SH3TC1: variants seen among roughly 807,000 people sequenced by gnomAD.
SH3TC1 encodes the protein SH3 domain and tetratricopeptide repeats 1.
Under a neutral mutation model 117.3 loss-of-function variants are expected in SH3TC1, and 135 were observed. That is an observed-to-expected ratio of 1.15 (90% CI 1.00 to 1.33). The LOEUF is 1.33. Among genes scored for constraint, SH3TC1 ranks in the 40% most tolerant of loss-of-function variants. The probability of loss-of-function intolerance (pLI) is 0.00; values close to 1 mark genes in which losing one functional copy is unlikely to be tolerated. For synonymous variants in SH3TC1, 898 were observed against 816.9 expected (o/e 1.10, Z -1.69); for missense variants, 2,092 against 1,794.3 (o/e 1.17, Z -3.00).
At chr4:8,240,448 T>A (rs764458528) in intron 17 of SH3TC1, among the ~76,000 whole-genome samples, 1 of 152,046 alleles carries the variant, frequency 6.6e-6, no homozygotes, top group Non-Finnish European at 1.5e-5. Flanking sequence ...AGCCACTGCC[T>A]GCAGAGAGGG....
Position 8,209,863 on chromosome 4 carries a change from C to T in SH3TC1, c.247+41C>T, listed in dbSNP as rs200813305. 227 of 1,589,428 alleles carry T rather than the reference C, an allele frequency of 1.4e-4. 1 individual carries two copies. The East Asian group carries it at 4.5e-3, about 32-fold the overall frequency. On this transcript the variant is annotated intron_variant, in intron 3 of 17. Transcript: ENST00000245105. This position sits in a 1 kb window ranked among gnomAD's most constrained non-coding sequence, Gnocchi z 5.9. Reference sequence around the variant, plus strand: ...CCTACACAGGGCTTCAGGTTCAAATCCGGGCTGTGCCGCTCCCTGGGCATC... The same window carrying T: ...CCTACACAGGGCTTCAGGTTCAAATTCGGGCTGTGCCGCTCCCTGGGCATC...
chr4:8,222,650 A>T (rs1720044331), intron 9 of SH3TC1, among the ~76,000 whole-genome samples, 190 bp from the exon 10 acceptor site: 1 of 147,498 alleles, frequency 6.8e-6, no homozygotes, highest in Non-Finnish European at 1.5e-5. Context: ...CTGAGATTAC[A>T]GGTGTGAGCC....
rs7692549 is a variant in SH3TC1 at position 8,192,932 on chromosome 4, G to A, written c.-57+10722G>A. Among the ~76,000 whole-genome samples, 1,574 of 152,336 alleles carry A rather than the reference G, an allele frequency of 0.01. 18 individuals are homozygous for A. The highest frequency in any genetic ancestry group is 0.036 in the African/African-American group (1,496 of 41,574). On this transcript the variant is annotated intron_variant, in intron 1 of 16. Transcript: ENST00000508641. This position sits in a 1 kb window ranked among gnomAD's most constrained non-coding sequence, Gnocchi z 4.1. ...GCAGTGAAGCGGGGCCTGACGTGATGTACCATGTTTCAAGCCTGTTTCACA... is the reference window on the plus strand; with the variant it reads ...GCAGTGAAGCGGGGCCTGACGTGATATACCATGTTTCAAGCCTGTTTCACA...
At chr4:8,217,793 G>C (rs1478451834) in intron 7 of SH3TC1, among the ~76,000 whole-genome samples, 6 of 152,246 alleles carry the variant, frequency 3.9e-5, no homozygotes, top group African/African-American at 1.4e-4. Flanking sequence ...CTGGGAAAGA[G>C]GGATTGTCAG....
intron 9 of SH3TC1, among the ~76,000 whole-genome samples, chr4:8,221,592 A>G (rs1719924959): frequency 6.6e-6 from 1 of 151,978 alleles, no homozygotes; most frequent in African/African-American, 2.4e-5. Context: ...TCTCTCTTTC[A>G]CTTCTATTTT....
At chr4:8,232,923 T>C in intron 13 of SH3TC1, 1 of 1,198,234 alleles carries the variant, frequency 8.3e-7, no homozygotes, top group Non-Finnish European at 1.1e-6. Flanking sequence ...AAGTGGGAGT[T>C]CTAGGGCCCG....
chr4:8,234,137 TATCCATTC>T (rs1239200848), intron 14 of SH3TC1, among the ~76,000 whole-genome samples: 2 of 134,744 alleles, frequency 1.5e-5, no homozygotes, highest in African/African-American at 5.4e-5. Flanking sequence ...TCCATCCATT[TATCCATTC>T]ATCCATCCAT....
chr4:8,231,052 G>C (rs570611114), intron 12 of SH3TC1: 3 of 152,440 alleles, frequency 2.0e-5, no homozygotes, highest in East Asian at 3.9e-4. Flanking sequence ...GCAGTGCTGG[G>C]ATGACAGGCA....
upstream of SH3TC1, among the ~76,000 whole-genome samples, chr4:8,194,580 C>T (rs189292143): frequency 9.7e-4 from 148 of 152,252 alleles, no homozygotes; most frequent in African/African-American, 3.2e-3. Context: ...CTTCCCAGCC[C>T]GGAGCAGGCC....
Position 8,233,924 on chromosome 4 carries a change from CTTT to C in SH3TC1, c.3282+413_3282+415del, listed in dbSNP as rs1331175942. Among the ~76,000 whole-genome samples the C allele has an allele frequency of 2.6e-5, 4 of 151,378 alleles. No homozygotes were observed. In the South Asian group the frequency reaches 6.4e-4, roughly 24 times the overall value. On this transcript the variant is annotated intron_variant, in intron 14 of 17. Coordinates refer to ENST00000245105, the MANE Select transcript of SH3TC1 (RefSeq NM_018986.5). ...TCCATCCATCCATCATTCATCCACT[CTTT>C]TGTCATCCATCCAATCACCCATCAA...
intron 1 of SH3TC1, among the ~76,000 whole-genome samples, chr4:8,200,311 G>C (rs766362530): frequency 2.8e-4 from 42 of 152,206 alleles, no homozygotes; most frequent in Non-Finnish European, 4.7e-4. Context: ...TTTAGGATGG[G>C]TATGTGGGGG....
intron 15 of SH3TC1, 133 bp downstream of exon 15, chr4:8,235,688 G>C (rs1263086104): frequency 1.6e-6 from 2 of 1,263,862 alleles, no homozygotes; most frequent in Non-Finnish European, 2.1e-6. Flanking sequence ...TTTCCTAGTG[G>C]TTTCACCGGG....
At chr4:8,197,391 T>C (rs1407952632), upstream of SH3TC1, among the ~76,000 whole-genome samples, 3 of 152,296 alleles carry the variant, frequency 2.0e-5, no homozygotes, top group East Asian at 5.8e-4. Context: ...ATGAAACTGA[T>C]AGAGTGACTG....
At chr4:8,237,745 A>G in intron 17 of SH3TC1, 75 bp downstream of exon 17, 1 of 1,452,380 alleles carries the variant, frequency 6.9e-7, no homozygotes, top group Non-Finnish European at 9.3e-7. Context: ...CCCCTGAGGC[A>G]TGTGTTCCAG....
chr4:8,236,224 C>A (rs1231217015), intron 15 of SH3TC1, 54 bp from the exon 16 acceptor site: 1 of 1,496,178 alleles, frequency 6.7e-7, no homozygotes, highest in Non-Finnish European at 8.9e-7. Flanking sequence ...CTGAGGAGGG[C>A]GCTGGGCAAG....
intron 10 of SH3TC1, chr4:8,224,614 C>T (rs1720287081): frequency 6.5e-6 from 1 of 153,236 alleles, no homozygotes; most frequent in Admixed American, 6.5e-5. Context: ...CTCACTTGAC[C>T]TCCACGGAAA....
In SH3TC1 at chr4:8,227,243, G is replaced by T; in HGVS notation, c.1549G>T (p.Gly517Cys). Reference sequence around the variant, plus strand: ...CCCTGGGTACAAGGCCAGCTTCCGTGGCCTGTACGATGTGGCGCTGCCGTG... The same window carrying T: ...CCCTGGGTACAAGGCCAGCTTCCGTTGCCTGTACGATGTGGCGCTGCCGTG... The part of the protein sequence containing the change: ...NAPGYKASFR[G>C]LYDVALPWLS... Residue 517 changes from glycine to cysteine, a missense_variant, in exon 12 of 18, where the codon GGC becomes TGC. Physicochemically the swap from Gly to Cys is radical, Grantham distance 159. Transcript: ENST00000245105. 6.3e-7 allele frequency: 1 copy of T among 1,593,160 alleles called. No individual in the cohort carries two copies. Among genetic ancestry groups the T allele is most frequent in the Admixed American group, 1.8e-5 (1 of 56,694 alleles).
chr4:8,218,886 G>A (rs528210529), intron 8 of SH3TC1, among the ~76,000 whole-genome samples: 2 of 152,182 alleles, frequency 1.3e-5, no homozygotes, highest in Non-Finnish European at 2.9e-5. Flanking sequence ...AGCTGCCGGT[G>A]TCTGGATGGC....
chr4:8,207,641 C>A (rs748964847), intron 2 of SH3TC1, among the ~76,000 whole-genome samples: 1 of 152,220 alleles, frequency 6.6e-6, no homozygotes, highest in Non-Finnish European at 1.5e-5. Context: ...TGTAGGCTCA[C>A]ACATCTTTAA....
Sources: allele counts gnomAD v4.1 joint callset (sites outside exome capture counted in the v4.1 genomes callset), GRCh38; gene constraint gnomAD v4.1.1; non-coding constraint Gnocchi (gnomAD v3.1); transcripts MANE v1.5; gene names NCBI Gene and HGNC (gene_info 2026-07-23, HGNC 2026-07-21).